The following LRBA variants were observed in gnomAD, a reference collection of about 807,000 sequenced individuals.
LRBA encodes the protein LPS responsive beige-like anchor protein.
A neutral mutation model predicts 330.0 loss-of-function variants in LRBA; 176 were observed. That is an observed-to-expected ratio of 0.53 (90% CI 0.47 to 0.60). LRBA has a LOEUF of 0.60. Among genes scored for constraint, LRBA ranks in the 20% least tolerant of loss-of-function variants. LRBA has a pLI of 0.00. For synonymous variants in LRBA, 1,230 were observed against 1,193.0 expected, an observed-to-expected ratio of 1.03 and a Z score of -0.64; for missense variants, 3,259 against 3,444.8, an observed-to-expected ratio of 0.95 and a Z score of 1.35.
chr4:150,784,471 A>T (rs1738739294), intron 34 of LRBA, among the ~76,000 whole-genome samples: 2 of 152,142 alleles, frequency 1.3e-5, no homozygotes, highest in African/African-American at 4.8e-5. Flanking sequence ...ACATATCCCC[A>T]TGTGTGTAGA....
intron 37 of LRBA, among the ~76,000 whole-genome samples, chr4:150,624,768 C>T (rs1402070459): frequency 6.6e-6 from 1 of 152,112 alleles, no homozygotes; most frequent in Non-Finnish European, 1.5e-5. Flanking sequence ...AATTTTGCCA[C>T]TCCACATTGT....
intron 40 of LRBA, among the ~76,000 whole-genome samples, chr4:150,577,930 A>G (rs1404362911): frequency 6.6e-6 from 1 of 152,244 alleles, no homozygotes; most frequent in African/African-American, 2.4e-5. Flanking sequence ...TTGGCTCCTG[A>G]GAAACACAAC....
Position 150,560,893 on chromosome 4 carries a change from G to C in LRBA, c.6330+27155C>G, listed in dbSNP as rs560860476. On this transcript the variant is annotated intron_variant, in intron 40 of 56. Transcript: ENST00000651943. ...CCCAGCCACTCGGCAGGCTGAGGCAGGAGAATCACTTGAACCCAGAAGTGG... is the reference window on the plus strand; with the variant it reads ...CCCAGCCACTCGGCAGGCTGAGGCACGAGAATCACTTGAACCCAGAAGTGG... Among the ~76,000 whole-genome samples the C allele has an allele frequency of 4.6e-5, 7 of 152,174 alleles. No individual in the cohort carries two copies. The South Asian group carries it at 1.5e-3, about 32-fold the overall frequency.
chr4:150,483,789 C>A (rs879585217), intron 42 of LRBA, among the ~76,000 whole-genome samples: 1 of 152,042 alleles, frequency 6.6e-6, no homozygotes, highest in Non-Finnish European at 1.5e-5. Context: ...TACAATTCTC[C>A]ATTTTTAAGT....
In LRBA at chr4:150,265,770, A is replaced by AAAT. The variant is rs758817236; in HGVS notation, c.8508_8510dup (p.Leu2836dup). The AAAT allele has an allele frequency of 3.7e-5, 59 of 1,613,620 alleles. No homozygotes were observed. Among genetic ancestry groups the AAAT allele is most frequent in the Non-Finnish European group, 4.7e-5 (56 of 1,179,672 alleles). On this transcript the variant is annotated inframe_insertion, in exon 57 of 57. Coordinates refer to ENST00000651943, the MANE Select transcript of LRBA (RefSeq NM_001364905.1). ...GATGCCACCGGTTAAAGTCGTTGTA[A>AAAT]AATAGCACAATGCTTCCTGAAGCCA...
At chr4:150,373,166 T>TGA (rs1292822061) in intron 47 of LRBA, among the ~76,000 whole-genome samples, 52 of 122,334 alleles carry the variant, frequency 4.3e-4, no homozygotes, top group Non-Finnish European at 4.7e-4. Context: ...TGTGTGTGTG[T>TGA]GTGTGTGAGA....
At chr4:150,711,073 A>G (rs780690641) in intron 36 of LRBA, among the ~76,000 whole-genome samples, 1 of 152,076 alleles carries the variant, frequency 6.6e-6, no homozygotes, top group South Asian at 2.1e-4. Context: ...TGAAAGTTTC[A>G]GTATGAACCC....
chr4:150,937,769 C>T (rs1195794353), intron 2 of LRBA, among the ~76,000 whole-genome samples: 1 of 152,030 alleles, frequency 6.6e-6, no homozygotes, highest in Non-Finnish European at 1.5e-5. Context: ...TTCAAATAAA[C>T]CTTTATAAGT....
intron 36 of LRBA, among the ~76,000 whole-genome samples, chr4:150,714,047 A>C (rs544430972): frequency 1.5e-4 from 23 of 152,148 alleles, no homozygotes; most frequent in Non-Finnish European, 2.8e-4. Flanking sequence ...TGCAAGTCTA[A>C]GTACCACTTC....
chr4:151,011,193 A>G (rs1355311634), intron 2 of LRBA, among the ~76,000 whole-genome samples: 2 of 151,986 alleles, frequency 1.3e-5, no homozygotes, highest in African/African-American at 2.4e-5. Context: ...TCTCAAAAAA[A>G]AAAAAGAGAA....
intron 40 of LRBA, among the ~76,000 whole-genome samples, chr4:150,498,617 G>A (rs1185928858): frequency 6.6e-6 from 1 of 152,054 alleles, no homozygotes; most frequent in South Asian, 2.1e-4. Context: ...GAAGAGCTGG[G>A]TGATAAATTT....
At chr4:150,348,970 G>C (rs969552689) in intron 48 of LRBA, among the ~76,000 whole-genome samples, 3 of 152,114 alleles carry the variant, frequency 2.0e-5, no homozygotes, top group Non-Finnish European at 4.4e-5. Flanking sequence ...AACTGGAAGA[G>C]TCTTTAAGAG....
At chr4:150,326,318 A>G (rs1337046405) in intron 48 of LRBA, among the ~76,000 whole-genome samples, 3 of 152,166 alleles carry the variant, frequency 2.0e-5, no homozygotes, top group Non-Finnish European at 2.9e-5. Flanking sequence ...AGTAAAAAGG[A>G]GGAAAAAAGA....
intron 40 of LRBA, among the ~76,000 whole-genome samples, chr4:150,563,152 C>T (rs958039180): frequency 1.3e-5 from 2 of 151,990 alleles, no homozygotes; most frequent in Admixed American, 6.6e-5. Context: ...GGTACACAGA[C>T]CCTTGCAATC....
intron 14 of LRBA, 36 bp downstream of exon 14, chr4:150,900,013 T>C (rs906310502): frequency 6.8e-7 from 1 of 1,466,118 alleles, no homozygotes; most frequent in Non-Finnish European, 9.3e-7. Context: ...CTGATTTGCA[T>C]TTGTGTAAAG....
At chr4:150,372,468 G>GCA (rs1199324190) in intron 47 of LRBA, among the ~76,000 whole-genome samples, 1 of 149,502 alleles carries the variant, frequency 6.7e-6, no homozygotes, top group Admixed American at 6.7e-5. Flanking sequence ...GTATGTAGTG[G>GCA]CACACGCTTG....
chr4:150,712,892 C>T (rs1279583471), intron 36 of LRBA, among the ~76,000 whole-genome samples: 1 of 152,040 alleles, frequency 6.6e-6, no homozygotes, highest in Non-Finnish European at 1.5e-5. Context: ...CACACAGAAA[C>T]ATTATGTTTC....
chr4:150,533,789 A>G (rs974690120), intron 40 of LRBA, among the ~76,000 whole-genome samples: 1 of 152,140 alleles, frequency 6.6e-6, no homozygotes, highest in Non-Finnish European at 1.5e-5. Flanking sequence ...TTAGCTAATG[A>G]GTATTAATAC....
At chr4:150,638,730 T>C (rs1398339154) in intron 37 of LRBA, among the ~76,000 whole-genome samples, 1 of 138,072 alleles carries the variant, frequency 7.2e-6, no homozygotes. Flanking sequence ...TGTGGAGAAA[T>C]AGGAACACTT....
Sources: allele counts gnomAD v4.1 joint callset (sites outside exome capture counted in the v4.1 genomes callset), GRCh38; gene constraint gnomAD v4.1.1; transcripts MANE v1.5; gene names NCBI Gene and HGNC (gene_info 2026-07-23, HGNC 2026-07-21).